WDR33: variants seen among roughly 807,000 people sequenced by gnomAD.
WDR33 encodes WD repeat domain 33.
Under a neutral mutation model 164.9 loss-of-function variants are expected in WDR33, and 47 were observed. That is an observed-to-expected ratio of 0.29 (90% CI 0.23 to 0.36). WDR33 has a LOEUF of 0.36. WDR33 is among the 10% of genes least tolerant of loss of function. WDR33 has a pLI of 1.00. For missense variants in WDR33, 1,137 were observed against 1,754.1 expected, an observed-to-expected ratio of 0.65 and a Z score of 6.28; for synonymous variants, 505 against 589.0, an observed-to-expected ratio of 0.86 and a Z score of 2.06.
rs1687963065 is a variant in WDR33, at chr2:127,770,418, AGT to A, written c.204+358_204+359del. Among the ~76,000 whole-genome samples, 2 of 152,132 alleles carry A rather than the reference AGT, an allele frequency of 1.3e-5. No homozygotes were observed. The highest frequency in any genetic ancestry group is 4.8e-5 in the African/African-American group (2 of 41,440). On this transcript the variant is annotated intron_variant, in intron 2 of 21. Transcript: ENST00000322313. The surrounding 1 kb of genome is among the most constrained non-coding windows in gnomAD (Gnocchi z 4.9). ...TCTTTTAAATAACCAGGCCGGGCGCAGTGGCTCATGCCTGTAATCCCAGCACT... is the reference window on the plus strand; with the variant it reads ...TCTTTTAAATAACCAGGCCGGGCGCAGGCTCATGCCTGTAATCCCAGCACT...
At chr2:127,744,620 G>A (rs1013304071) in intron 7 of WDR33, among the ~76,000 whole-genome samples, 5 of 152,198 alleles carry the variant, frequency 3.3e-5, no homozygotes, top group African/African-American at 1.2e-4. Context: ...AGAGGGGAAA[G>A]ACGTTGACTT....
intron 7 of WDR33, among the ~76,000 whole-genome samples, chr2:127,734,756 G>GAAT (rs1359810870): frequency 6.6e-6 from 1 of 152,036 alleles, no homozygotes; most frequent in Non-Finnish European, 1.5e-5. Flanking sequence ...TTAATACTTA[G>GAAT]AATAAAAGTC....
Position 127,724,572 on chromosome 2 carries a change from T to C in WDR33, c.1086-129A>G. The C allele has an allele frequency of 1.3e-6, 1 of 789,682 alleles. No homozygotes were observed. The highest frequency in any genetic ancestry group is 1.7e-5 in the South Asian group (1 of 58,494). The allele number at this position is 789,682 out of a possible 1,614,324, so 48.9% of individuals were successfully genotyped here. On this transcript the variant is annotated intron_variant, in intron 10 of 21. Coordinates refer to ENST00000322313, the MANE Select transcript of WDR33 (RefSeq NM_018383.5). The surrounding 1 kb of genome is among the most constrained non-coding windows in gnomAD (Gnocchi z 4.8). ...AAGCCTGGACTTGGACTCTGGTGAA[T>C]TCCACATGTCTCGGGGTATTGGCTT...
At chr2:127,757,579 GC>G (rs1053123984) in intron 7 of WDR33, among the ~76,000 whole-genome samples, 4 of 152,042 alleles carry the variant, frequency 2.6e-5, no homozygotes, top group Non-Finnish European at 5.9e-5. Context: ...TGCTTGAAGT[GC>G]TTTTAATACT....
rs1193212985 is a variant in WDR33, at chr2:127,718,404, T to C, written c.2760+861A>G. Among the ~76,000 whole-genome samples, 5 of 152,192 alleles carry C rather than the reference T, an allele frequency of 3.3e-5. No homozygotes were observed. The highest frequency in any genetic ancestry group is 2.1e-4 in the South Asian group (1 of 4,814). On this transcript the variant is annotated intron_variant, in intron 16 of 21. Transcript: ENST00000322313. This position sits in a 1 kb window ranked among gnomAD's most constrained non-coding sequence, Gnocchi z 4.4. ...AACTCAGTTATTCATACCCAAATAATGCCTCCAGACTAAGAACTTGAGAAA... is the reference window on the plus strand; with the variant it reads ...AACTCAGTTATTCATACCCAAATAACGCCTCCAGACTAAGAACTTGAGAAA...
intron 1 of WDR33, among the ~76,000 whole-genome samples, chr2:127,785,198 T>C (rs947524641): frequency 9.9e-5 from 15 of 152,142 alleles, no homozygotes; most frequent in African/African-American, 7.2e-5. Flanking sequence ...CACAGCAAAA[T>C]TGAACAGAAA....
At position 127,796,432 on chromosome 2, in the gene WDR33, A is replaced by G. The variant is rs150157304; in HGVS notation, c.-24+14580T>C. 4.6e-5 allele frequency among the ~76,000 whole-genome samples: 7 copies of G among 152,012 alleles called. No individual in the cohort carries two copies. The East Asian group carries it at 1.4e-3, about 29-fold the overall frequency. On this transcript the variant is annotated intron_variant, in intron 1 of 21. Coordinates refer to ENST00000322313, the MANE Select transcript of WDR33 (RefSeq NM_018383.5). ...TGTGGTTAAGGAAAATCTCTACTGC[A>G]GCAAGCACAGTGGCTCACGCCTATA...
rs937972561 is a variant in WDR33 at position 127,702,220 on chromosome 2, C to T, written c.*4103G>A. ...GCTGGGGAAGTACGCGGAGCCAGCGCCGTCGGAGACCGCGCCGGCCGAGCT... is the reference window on the plus strand; with the variant it reads ...GCTGGGGAAGTACGCGGAGCCAGCGTCGTCGGAGACCGCGCCGGCCGAGCT... On this transcript the variant is annotated 3_prime_UTR_variant, in exon 22 of 22. Transcript: ENST00000322313. 16 of 1,199,700 alleles carry T rather than the reference C, an allele frequency of 1.3e-5. No individual in the cohort carries two copies. Among genetic ancestry groups the T allele is most frequent in the Non-Finnish European group, 1.4e-5 (13 of 962,126 alleles). The allele number at this position is 1,199,700 out of a possible 1,614,324, so 74.3% of individuals were successfully genotyped here.
At position 127,717,331 on chromosome 2, in the gene WDR33, TATAACATGACAAG is replaced by T; in HGVS notation, c.2761-81_2761-69del. On this transcript the variant is annotated intron_variant, in intron 16 of 21. Coordinates refer to ENST00000322313, the MANE Select transcript of WDR33 (RefSeq NM_018383.5). This position sits in a 1 kb window ranked among gnomAD's most constrained non-coding sequence, Gnocchi z 5.6. ...TGAGCTACATAAATAGTGATTGCATTATAACATGACAAGATAAAAATACCCAGTAAATATTTAC... is the reference window on the plus strand; with the variant it reads ...TGAGCTACATAAATAGTGATTGCATTATAAAAATACCCAGTAAATATTTAC... The T allele has an allele frequency of 7.8e-7, 1 of 1,290,112 alleles. No individual in the cohort carries two copies. The highest frequency in any genetic ancestry group is 1.0e-6 in the Non-Finnish European group (1 of 959,354). The allele number at this position is 1,290,112 out of a possible 1,614,324, so 79.9% of individuals were successfully genotyped here. A position where few individuals can be genotyped will look rare whatever the true frequency, so the allele number is the denominator to read the frequency against.
chr2:127,740,306 G>A (rs1001054836), intron 7 of WDR33, among the ~76,000 whole-genome samples: 1 of 152,026 alleles, frequency 6.6e-6, no homozygotes, highest in East Asian at 1.9e-4. Context: ...GTTGGCACAC[G>A]CCTATAATCC....
rs1374362254 is a variant in WDR33, at chr2:127,770,799, T to C, written c.183A>G (p.Pro61=). Residue 61 remains proline, a synonymous_variant, in exon 2 of 22, where the codon CCA becomes CCG. Transcript: ENST00000322313. This position sits in a 1 kb window ranked among gnomAD's most constrained non-coding sequence, Gnocchi z 4.9. ...TTACCTCCAAATACTTAATTACAGA[T>C]GGATTGTAGTCTATGGTTTTTCGGT... ...AVNRKTIDYN[P]SVIKYLENRI... is the part of the protein sequence containing the mutation. 5 of 1,613,900 alleles carry C rather than the reference T, an allele frequency of 3.1e-6. No homozygotes were observed. Among genetic ancestry groups the C allele is most frequent in the African/African-American group, 1.3e-5 (1 of 74,938 alleles).
intron 1 of WDR33, among the ~76,000 whole-genome samples, chr2:127,773,180 A>G (rs964219543): frequency 3.9e-5 from 6 of 152,174 alleles, no homozygotes; most frequent in Admixed American, 3.9e-4. Flanking sequence ...TTACAAATAC[A>G]ATAAAGGAGA....
At chr2:127,806,020 G>A (rs555152191) in intron 1 of WDR33, among the ~76,000 whole-genome samples, 88 of 151,700 alleles carry the variant, frequency 5.8e-4, no homozygotes, top group Admixed American at 1.6e-3. Context: ...GGCCAAGGTG[G>A]GCAGATTGCT....
At chr2:127,731,849 G>T (rs1318717220) in intron 7 of WDR33, among the ~76,000 whole-genome samples, 3 of 152,148 alleles carry the variant, frequency 2.0e-5, no homozygotes, top group African/African-American at 7.2e-5. Context: ...ACTTTGGGAG[G>T]CTGAGGCCGA....
chr2:127,802,531 C>T (rs568323567), intron 1 of WDR33, among the ~76,000 whole-genome samples: 2 of 152,142 alleles, frequency 1.3e-5, no homozygotes, highest in Non-Finnish European at 2.9e-5. Context: ...ATCTGCCCCC[C>T]TCGGCCTCCC....
Position 127,714,989 on chromosome 2 carries a change from T to C in WDR33, c.2870-968A>G, listed in dbSNP as rs1016918019. Reference sequence around the variant, plus strand: ...CCCAGTTCATGCCTTTTACTGCTTTTCCCTGGCTATAAAGACAAACCCCTC... The same window carrying C: ...CCCAGTTCATGCCTTTTACTGCTTTCCCCTGGCTATAAAGACAAACCCCTC... On this transcript the variant is annotated intron_variant, in intron 17 of 21. Coordinates refer to ENST00000322313, the MANE Select transcript of WDR33 (RefSeq NM_018383.5). The surrounding 1 kb of genome is among the most constrained non-coding windows in gnomAD (Gnocchi z 4.3). 2.0e-5 allele frequency among the ~76,000 whole-genome samples: 3 copies of C among 152,130 alleles called. No homozygotes were observed. The highest frequency in any genetic ancestry group is 7.2e-5 in the African/African-American group (3 of 41,424).
chr2:127,765,800 A>G (rs1687803583), intron 4 of WDR33, among the ~76,000 whole-genome samples: 2 of 151,966 alleles, frequency 1.3e-5, no homozygotes, highest in African/African-American at 2.4e-5. Flanking sequence ...TATTTAAAAA[A>G]AAAAAAAAAA....
chr2:127,747,660 T>C (rs1418644143), intron 7 of WDR33, among the ~76,000 whole-genome samples: 1 of 152,188 alleles, frequency 6.6e-6, no homozygotes, highest in African/African-American at 2.4e-5. Context: ...CCTGCTTGTC[T>C]AATGCTGGTT....
At chr2:127,780,255 T>C (rs921519859) in intron 1 of WDR33, among the ~76,000 whole-genome samples, 6 of 152,066 alleles carry the variant, frequency 3.9e-5, no homozygotes, top group Admixed American at 2.6e-4. Context: ...TAATAAAAAG[T>C]TTTAAGATTC....
Sources: gnomAD v4.1 joint callset for allele counts (sites outside exome capture counted in the v4.1 genomes callset) on GRCh38, gnomAD v4.1.1 for gene constraint, Gnocchi (gnomAD v3.1) non-coding constraint, MANE v1.5 for transcripts, NCBI Gene and HGNC (gene_info 2026-07-23, HGNC 2026-07-21) for gene names.